STOX2: variants seen among roughly 807,000 people sequenced by gnomAD.
STOX2 encodes storkhead-box protein 2.
STOX2 carries 28 observed loss-of-function variants against 60.9 expected under a neutral mutation model. The ratio of observed to expected loss-of-function variants is 0.46; its 90% CI spans 0.34 to 0.63. The LOEUF is 0.63. Among genes scored for constraint, STOX2 ranks in the 30% least tolerant of loss-of-function variants. STOX2 has a pLI of 0.01. For synonymous variants in STOX2, 472 were observed against 463.9 expected (o/e 1.02, Z -0.22); for missense variants, 1,024 against 1,187.7 (o/e 0.86, Z 2.03).
Position 183,910,153 on chromosome 4 carries a change from T to A in STOX2, c.166+3197T>A, listed in dbSNP as rs553114693. On this transcript the variant is annotated intron_variant, in intron 1 of 3. Coordinates refer to ENST00000308497, the MANE Select transcript of STOX2 (RefSeq NM_020225.3). ...TGGTTTCTGGGCAGAAAGGGGAAGA[T>A]CTTGCCTTTTGTTCAAATCAAGATG... 2.6e-5 allele frequency among the ~76,000 whole-genome samples: 4 copies of A among 152,278 alleles called. No homozygotes were observed. In the East Asian group the frequency reaches 7.7e-4, roughly 29 times the overall value.
At chr4:183,912,199 A>C (rs188479587) in intron 1 of STOX2, among the ~76,000 whole-genome samples, 11 of 152,164 alleles carry the variant, frequency 7.2e-5, no homozygotes, top group East Asian at 1.9e-4. Context: ...GGTTCCATCT[A>C]TCCTCCTTAT....
rs1483199845 is a variant in STOX2, at chr4:184,021,992, G to A, written c.*4708G>A. ...TCATCCAGGGCTCTTCTGGTAGTGA[G>A]TGACTTTTCTGCACATGTTTAGGGC... On this transcript the variant is annotated 3_prime_UTR_variant, in exon 4 of 4. Coordinates refer to ENST00000308497, the MANE Select transcript of STOX2 (RefSeq NM_020225.3). The A allele has an allele frequency of 6.6e-6, 1 of 152,208 alleles. No homozygotes were observed. The highest frequency in any genetic ancestry group is 1.9e-4 in the East Asian group (1 of 5,204). 9.4% of individuals were successfully genotyped at this position (152,208 alleles called of 1,614,324 possible).
chr4:183,960,315 T>C (rs929689076), intron 1 of STOX2: 13 of 152,222 alleles, frequency 8.5e-5, no homozygotes, highest in Admixed American at 7.2e-4. Flanking sequence ...TCTTTGGGGA[T>C]CATGAGCTCC....
chr4:183,969,643 G>A (rs866276613), intron 1 of STOX2, among the ~76,000 whole-genome samples: 2 of 151,362 alleles, frequency 1.3e-5, no homozygotes, highest in Admixed American at 6.6e-5. Flanking sequence ...TTTTGAGACG[G>A]GATCTTACTG....
chr4:183,812,229 G>A (rs753385854), intron 1 of STOX2, among the ~76,000 whole-genome samples: 2 of 152,152 alleles, frequency 1.3e-5, no homozygotes, highest in Non-Finnish European at 2.9e-5. Context: ...ACCATGCCCA[G>A]CCGTCTGTGA....
chr4:183,940,349 C>A (rs958924975), intron 1 of STOX2, among the ~76,000 whole-genome samples: 3 of 152,232 alleles, frequency 2.0e-5, no homozygotes, highest in African/African-American at 7.2e-5. Flanking sequence ...GAGACCCAAA[C>A]GACTAAGCAG....
At chr4:183,815,592 A>G (rs911373233) in intron 1 of STOX2, among the ~76,000 whole-genome samples, 3 of 152,248 alleles carry the variant, frequency 2.0e-5, no homozygotes, top group East Asian at 1.9e-4. Flanking sequence ...AGAGAAAACT[A>G]TAATTGCAGA....
intron 1 of STOX2, among the ~76,000 whole-genome samples, chr4:183,950,646 C>T (rs908687135): frequency 2.0e-5 from 3 of 149,920 alleles, no homozygotes; most frequent in South Asian, 2.1e-4. Flanking sequence ...TGACATGGAG[C>T]AGGATGGTTG....
chr4:183,835,477 G>A (rs1000280842), intron 1 of STOX2, among the ~76,000 whole-genome samples: 13 of 152,078 alleles, frequency 8.5e-5, no homozygotes, highest in African/African-American at 3.1e-4. Flanking sequence ...ACCTGCCTCG[G>A]CCTCCCAAAG....
chr4:183,941,524 C>T (rs191189769), intron 1 of STOX2, among the ~76,000 whole-genome samples: 2 of 152,264 alleles, frequency 1.3e-5, no homozygotes, highest in African/African-American at 4.8e-5. Flanking sequence ...GCTGAGATCG[C>T]ACCACTGCAC....
At chr4:183,832,368 A>T (rs7660188) in intron 1 of STOX2, among the ~76,000 whole-genome samples, 13,293 of 151,152 alleles carry the variant, frequency 0.088, 1,909 homozygotes, top group African/African-American at 0.3. Context: ...TCCTAGTTGT[A>T]TGCTTATCTC....
chr4:184,007,045 A>AAAAAAAAAAAAAAAAAAAAAAC (rs1553987519), intron 2 of STOX2, among the ~76,000 whole-genome samples: 1 of 118,474 alleles, frequency 8.4e-6, no homozygotes, highest in Admixed American at 9.0e-5. Context: ...AAACAAAAAA[A>AAAAAAAAAAAAAAAAAAAAAAC]AAATTTTGTT....
chr4:183,970,730 C>A (rs1214962426), intron 1 of STOX2, among the ~76,000 whole-genome samples: 1 of 152,236 alleles, frequency 6.6e-6, no homozygotes, highest in East Asian at 1.9e-4. Flanking sequence ...AGATTAAAAT[C>A]CTCATTTGGG....
At position 183,877,469 on chromosome 4, in the gene STOX2, A is replaced by G. The variant is rs375479473; in HGVS notation, c.364+79414A>G. 3.3e-5 allele frequency among the ~76,000 whole-genome samples: 5 copies of G among 152,356 alleles called. No individual in the cohort carries two copies. The East Asian group carries it at 7.7e-4, about 23-fold the overall frequency. ...GTTAATTCACTGACCAAAAGAATCAATGGATCAGAGCATATAGAGATTACT... is the reference window on the plus strand; with the variant it reads ...GTTAATTCACTGACCAAAAGAATCAGTGGATCAGAGCATATAGAGATTACT... On this transcript the variant is annotated intron_variant, in intron 1 of 2. Coordinates refer to the STOX2 transcript ENST00000513034.
chr4:183,915,702 G>A (rs950974640), intron 1 of STOX2, among the ~76,000 whole-genome samples: 3 of 152,202 alleles, frequency 2.0e-5, no homozygotes, highest in Admixed American at 2.0e-4. Context: ...ACCATGTGAC[G>A]AGAGAGGCAG....
At chr4:183,913,194 A>G (rs1741832664) in intron 1 of STOX2, among the ~76,000 whole-genome samples, 1 of 152,198 alleles carries the variant, frequency 6.6e-6, no homozygotes, top group Non-Finnish European at 1.5e-5. Flanking sequence ...CAAGGCATGA[A>G]GCTGGAAATG....
At chr4:183,924,332 G>T (rs1339446135) in intron 1 of STOX2, among the ~76,000 whole-genome samples, 1 of 152,174 alleles carries the variant, frequency 6.6e-6, no homozygotes, top group Non-Finnish European at 1.5e-5. Context: ...GATGATGGGG[G>T]CTGAGTAAGG....
chr4:183,951,605 T>A (rs62339712), intron 1 of STOX2, among the ~76,000 whole-genome samples: 2 of 150,918 alleles, frequency 1.3e-5, no homozygotes, highest in African/African-American at 4.9e-5. Flanking sequence ...CGTGAGCCGC[T>A]GCGCTCGGCA....
intron 1 of STOX2, among the ~76,000 whole-genome samples, chr4:183,922,829 C>T (rs971545209): frequency 5.3e-5 from 8 of 152,138 alleles, no homozygotes; most frequent in African/African-American, 1.9e-4. Flanking sequence ...CATCATTCTA[C>T]TGTCTGTCTC....
Sources: allele counts gnomAD v4.1 joint callset (sites outside exome capture counted in the v4.1 genomes callset), GRCh38; gene constraint gnomAD v4.1.1; transcripts MANE v1.5; gene names NCBI Gene and HGNC (gene_info 2026-07-23, HGNC 2026-07-21).